MYH10: variants seen among roughly 807,000 people sequenced by gnomAD.
MYH10 encodes myosin-10.
MYH10 carries 55 observed loss-of-function variants against 257.8 expected under a neutral mutation model. That is an observed-to-expected ratio of 0.21 (90% CI 0.17 to 0.27). The LOEUF (loss-of-function observed/expected upper bound fraction) is 0.27, where lower values mean the gene tolerates loss of function less well. MYH10 is among the 10% of genes least tolerant of loss of function. MYH10 has a pLI of 1.00. For synonymous variants in MYH10, 854 were observed against 921.7 expected (o/e 0.93, Z 1.33); for missense variants, 1,631 against 2,500.6 (o/e 0.65, Z 7.42).
chr17:8,566,107 C>A (rs1365788910), intron 7 of MYH10, among the ~76,000 whole-genome samples: 1 of 152,118 alleles, frequency 6.6e-6, no homozygotes, highest in Admixed American at 6.6e-5. Flanking sequence ...CACACCACTA[C>A]CCAATCTCCC....
chr17:8,518,555 C>T (rs1358867304), intron 21 of MYH10, 76 bp downstream of exon 21: 2 of 1,484,360 alleles, frequency 1.3e-6, no homozygotes, highest in Non-Finnish European at 1.8e-6. Flanking sequence ...CACTCTTGCA[C>T]CCCAGGTCAA....
intron 17 of MYH10, among the ~76,000 whole-genome samples, chr17:8,529,496 G>A (rs536035355): frequency 1.4e-3 from 210 of 152,248 alleles, no homozygotes; most frequent in Middle Eastern, 6.8e-3. Context: ...AGCTTCCCCC[G>A]TCCATTTCAA....
intron 17 of MYH10, among the ~76,000 whole-genome samples, chr17:8,523,162 C>G (rs1285462081): frequency 6.6e-6 from 1 of 152,168 alleles, no homozygotes; most frequent in East Asian, 1.9e-4. Flanking sequence ...CTAGATATAC[C>G]TGACCACCCA....
intron 2 of MYH10, among the ~76,000 whole-genome samples, chr17:8,616,587 C>G (rs186881692): frequency 6.6e-6 from 1 of 151,562 alleles, no homozygotes; most frequent in Non-Finnish European, 1.5e-5. Context: ...AAAAGATGTA[C>G]CTGGCCTCTA....
chr17:8,481,330 G>A lies in MYH10; in HGVS notation c.5256C>T (p.Ala1752=). The A allele has an allele frequency of 6.2e-7, 1 of 1,613,946 alleles. No homozygotes were observed. Among genetic ancestry groups the A allele is most frequent in the Non-Finnish European group, 8.5e-7 (1 of 1,180,026 alleles). The change falls in exon 38 of 43, where the codon GCC becomes GCT. Residue 1752 remains alanine, a synonymous_variant. Transcript: ENST00000360416. ...GGCCGTGGGAGACTCACTTGCCAGAGGCGCTGTTGGTGATCTCGTCCGCCA... is the reference window on the plus strand; with the variant it reads ...GGCCGTGGGAGACTCACTTGCCAGAAGCGCTGTTGGTGATCTCGTCCGCCA... The part of the protein sequence containing the change: ...DELADEITNS[A]SGKSALLDEK...
intron 21 of MYH10, 59 bp from the exon 22 acceptor site, chr17:8,513,953 T>C: frequency 7.0e-7 from 1 of 1,422,528 alleles, no homozygotes. Context: ...ATGGCTGTTG[T>C]CATAAGAAGC....
chr17:8,492,598 T>A, intron 33 of MYH10, 89 bp from the exon 34 acceptor site: 1 of 1,365,790 alleles, frequency 7.3e-7, no homozygotes. Context: ...ATCGCTAGAG[T>A]GCTGCCACTA....
At position 8,476,904 on chromosome 17, in the gene MYH10, C is replaced by A; in HGVS notation, c.5851G>T (p.Glu1951Ter). The A allele has an allele frequency of 6.2e-7, 1 of 1,611,750 alleles. No homozygotes were observed. The highest frequency in any genetic ancestry group is 8.5e-7 in the Non-Finnish European group (1 of 1,179,970). The change falls in exon 42 of 43, where the codon GAG becomes TAG. Residue 1951 changes from glutamate to a stop codon, truncating the protein, a stop_gained. Transcript: ENST00000360416. LOFTEE classifies it high-confidence loss of function. ...AGCCGGTTCTTCAGGGTGCTGACCT[C>A]GCGGCTCAGGCCCTCGTTGGCCTCG... is the stretch of plus-strand genomic sequence containing the variant. ...ATEANEGLSR[E>*]VSTLKNRLRR...
At chr17:8,531,855 T>C (rs1361749850) in intron 16 of MYH10, among the ~76,000 whole-genome samples, 1 of 152,250 alleles carries the variant, frequency 6.6e-6, no homozygotes, top group African/African-American at 2.4e-5. Flanking sequence ...TTTCCAGGGT[T>C]ATTTTTCTAG....
chr17:8,511,025 T>TAATATATATATATATATATATATA (rs1555578890), intron 24 of MYH10: 1 of 4,218 alleles, frequency 2.4e-4, no homozygotes, highest in African/African-American at 2.9e-4. Context: ...CATATATATA[T>TAATATATATATATATATATATATA]ATATATATAT....
chr17:8,520,786 CA>C, intron 19 of MYH10, 91 bp downstream of exon 19: 1 of 1,378,076 alleles, frequency 7.3e-7, no homozygotes, highest in Non-Finnish European at 9.8e-7. Flanking sequence ...ATGTAGGGGA[CA>C]AGGAAAAAGA....
rs371831055 is a variant in MYH10, at chr17:8,506,397, C to T, written c.3307G>A (p.Ala1103Thr). The stretch of plus-strand genomic sequence containing the variant: ...TCATCAATCTGCGCCTGCAGCTCTG[C>T]GATCTGGTCCTGCAGGTCGGTCGTC... ...GETTDLQDQIAELQAQIDELK... is the reference protein window; with the variant it reads ...GETTDLQDQITELQAQIDELK... The change falls in exon 27 of 43, where the codon GCA becomes ACA. Residue 1103 changes from alanine to threonine, a missense_variant. By Grantham distance (58) the Ala-to-Thr change is moderately conservative. This residue lies in a region of MYH10 where 169 missense variants were observed against 249.8 expected (regional missense o/e 0.68). Transcript: ENST00000360416. The surrounding 1 kb of genome is among the most constrained non-coding windows in gnomAD (Gnocchi z 5.0). 1.2e-5 allele frequency: 19 copies of T among 1,611,706 alleles called. No homozygotes were observed. The highest frequency in any genetic ancestry group is 3.4e-5 in the Admixed American group (2 of 59,196).
intron 4 of MYH10, among the ~76,000 whole-genome samples, chr17:8,582,536 T>C (rs562422369): frequency 6.6e-6 from 1 of 152,320 alleles, no homozygotes; most frequent in South Asian, 2.1e-4. Flanking sequence ...GTGGTAGAAG[T>C]ACAAAGCTAA....
chr17:8,565,003 T>C (rs2083118890), intron 7 of MYH10, among the ~76,000 whole-genome samples: 2 of 152,156 alleles, frequency 1.3e-5, no homozygotes, highest in Non-Finnish European at 2.9e-5. Flanking sequence ...ACGTGGGCCA[T>C]GAGAAAAAGG....
chr17:8,563,752 C>T (rs901324104), intron 7 of MYH10, among the ~76,000 whole-genome samples: 13 of 152,114 alleles, frequency 8.5e-5, no homozygotes, highest in African/African-American at 2.4e-4. Context: ...AGAATCCGGA[C>T]GTGCTTTCAT....
In MYH10 at chr17:8,576,474, C is replaced by T. The variant is rs554969289; in HGVS notation, c.663+169G>A. On this transcript the variant is annotated intron_variant, in intron 6 of 42. Coordinates refer to ENST00000360416, the MANE Select transcript of MYH10 (RefSeq NM_001256012.3). ...AACAAATTTAAAGCAAAACGGCATG[C>T]GCTTCTCAAGAAAGAATAAGGCTCT... The T allele has an allele frequency of 8.9e-5, 51 of 571,586 alleles. No homozygotes were observed. The East Asian group carries it at 1.1e-3, about 12-fold the overall frequency. 35.4% of individuals were successfully genotyped at this position (571,586 alleles called of 1,614,324 possible). A position where few individuals can be genotyped will look rare whatever the true frequency, so the allele number is the denominator to read the frequency against.
rs1041508279 is a variant in MYH10 at position 8,504,798 on chromosome 17, C to A, written c.3495G>T (p.Arg1165=). ...QEDFESEKAS[R]NKAEKQKRDL... is the part of the protein sequence containing the mutation. ...CCCTTTTCTGCTTTTCGGCCTTGTTCCGTGAAGCCTTCTCGGATTCAAAGT... is the reference window on the plus strand; with the variant it reads ...CCCTTTTCTGCTTTTCGGCCTTGTTACGTGAAGCCTTCTCGGATTCAAAGT... Residue 1165 remains arginine (R), a synonymous_variant, in exon 28 of 43, where the codon CGG becomes CGT. Transcript: ENST00000360416. The surrounding 1 kb of genome is among the most constrained non-coding windows in gnomAD (Gnocchi z 5.6). The A allele has an allele frequency of 2.5e-6, 4 of 1,614,092 alleles. No individual in the cohort carries two copies. In the African/African-American group the frequency reaches 5.3e-5, roughly 22 times the overall value.
chr17:8,595,010 A>G lies in MYH10; in HGVS notation c.503-5902T>C, dbSNP rs564009499. 4.6e-5 allele frequency among the ~76,000 whole-genome samples: 7 copies of G among 152,324 alleles called. No individual in the cohort carries two copies. In the South Asian group the frequency reaches 1.4e-3, roughly 32 times the overall value. On this transcript the variant is annotated intron_variant, in intron 3 of 42. Coordinates refer to ENST00000360416, the MANE Select transcript of MYH10 (RefSeq NM_001256012.3). ...AGTGTCTTAATTGCCAAAAACTGAAAACAATCTAAATGTTCTTTACATGGT... is the reference window on the plus strand; with the variant it reads ...AGTGTCTTAATTGCCAAAAACTGAAGACAATCTAAATGTTCTTTACATGGT...
chr17:8,503,432 C>T (rs2080973390), intron 28 of MYH10, among the ~76,000 whole-genome samples: 2 of 152,178 alleles, frequency 1.3e-5, no homozygotes, highest in Admixed American at 1.3e-4. Context: ...CATAGCTGTA[C>T]ATATTCATGG....
Sources: gnomAD v4.1 joint callset for allele counts (sites outside exome capture counted in the v4.1 genomes callset) on GRCh38, gnomAD v4.1.1 for gene constraint, gnomAD v4.1.1 regional missense constraint, Gnocchi (gnomAD v3.1) non-coding constraint, MANE v1.5 for transcripts, NCBI Gene and HGNC (gene_info 2026-07-23, HGNC 2026-07-21) for gene names.